Variants in ARHGAP32 observed in about 807,000 individuals in gnomAD.
ARHGAP32 encodes Rho GTPase activating protein 32.
In ARHGAP32, 51 loss-of-function variants were observed where a neutral mutation model predicts 186.5. The observed-to-expected ratio is 0.27, with a 90% CI of 0.22 to 0.35. The LOEUF is 0.35. Ranked by LOEUF, ARHGAP32 falls within the 10% of genes least tolerant of loss-of-function variation. The probability of loss-of-function intolerance (pLI) is 1.00; values close to 1 mark genes in which losing one functional copy is unlikely to be tolerated. For synonymous variants in ARHGAP32, 950 were observed against 964.3 expected (o/e 0.99, Z 0.27); for missense variants, 2,186 against 2,623.5 (o/e 0.83, Z 3.64).
chr11:129,240,212 T>C (rs1204271512), intron 1 of ARHGAP32, among the ~76,000 whole-genome samples: 1 of 152,128 alleles, frequency 6.6e-6, no homozygotes, highest in Non-Finnish European at 1.5e-5. Context: ...TATAAATTTC[T>C]TGGTAAAGTT....
Position 129,202,556 on chromosome 11 carries a change from TAAA to T in ARHGAP32, c.-4-38132_-4-38130del, listed in dbSNP as rs1468969933. 5.3e-5 allele frequency among the ~76,000 whole-genome samples: 8 copies of T among 152,178 alleles called. No individual in the cohort carries two copies. In the East Asian group the frequency reaches 1.5e-3, roughly 29 times the overall value. ...AAGAAGTAAAATCATGTATGCGATATAAATAAGAAAACTTAAACAGATTCTTTT... is the reference window on the plus strand; with the variant it reads ...AAGAAGTAAAATCATGTATGCGATATTAAGAAAACTTAAACAGATTCTTTT... On this transcript the variant is annotated intron_variant, in intron 1 of 6. Coordinates refer to the ARHGAP32 transcript ENST00000525234.
intron 1 of ARHGAP32, among the ~76,000 whole-genome samples, chr11:129,278,982 CCGGGGG>C (rs1048308365): frequency 1.4e-5 from 2 of 147,128 alleles, no homozygotes; most frequent in Non-Finnish European, 3.0e-5. Context: ...GGAGATGGGG[CCGGGGG>C]CGGGGGGACA....
intron 1 of ARHGAP32, among the ~76,000 whole-genome samples, chr11:129,243,592 T>C (rs1168254470): frequency 6.6e-6 from 1 of 152,184 alleles, no homozygotes; most frequent in Non-Finnish European, 1.5e-5. Context: ...AGAACCTTCA[T>C]TTACCAATGT....
At chr11:129,078,026 G>A (rs1188715077) in intron 6 of ARHGAP32, among the ~76,000 whole-genome samples, 7 of 152,166 alleles carry the variant, frequency 4.6e-5, no homozygotes, top group Non-Finnish European at 1.0e-4. Context: ...AAAAAACCCA[G>A]TATGCTAAAC....
At chr11:129,106,357 C>A (rs1385826877) in intron 5 of ARHGAP32, among the ~76,000 whole-genome samples, 2 of 151,948 alleles carry the variant, frequency 1.3e-5, no homozygotes, top group Non-Finnish European at 2.9e-5. Flanking sequence ...AAAGAAAAAA[C>A]CACGTCCTTT....
intron 1 of ARHGAP32, among the ~76,000 whole-genome samples, chr11:129,191,312 T>TATTA (rs373630327): frequency 0.23 from 34,508 of 151,962 alleles, 4,744 homozygotes; most frequent in Middle Eastern, 0.35. Context: ...AGGTATTACA[T>TATTA]CGCTAACTCT....
chr11:129,014,435 C>G (rs1938234361), intron 11 of ARHGAP32, among the ~76,000 whole-genome samples: 1 of 152,188 alleles, frequency 6.6e-6, no homozygotes, highest in Non-Finnish European at 1.5e-5. Flanking sequence ...AATACTTTCT[C>G]TAAAGTTCTA....
chr11:128,978,170 C>T (rs569205218), intron 19 of ARHGAP32, among the ~76,000 whole-genome samples: 2 of 152,278 alleles, frequency 1.3e-5, no homozygotes, highest in East Asian at 3.9e-4. Context: ...TACATGATTG[C>T]AAACTGAATG....
At chr11:129,189,885 G>GT in intron 1 of ARHGAP32, among the ~76,000 whole-genome samples, 1 of 152,318 alleles carries the variant, frequency 6.6e-6, no homozygotes, top group South Asian at 2.1e-4. Flanking sequence ...GGTGTGGTAT[G>GT]ACTTTACTCT....
chr11:129,072,821 G>A (rs1439409973), intron 6 of ARHGAP32, among the ~76,000 whole-genome samples: 2 of 152,182 alleles, frequency 1.3e-5, no homozygotes, highest in Non-Finnish European at 2.9e-5. Flanking sequence ...AGAGGGACAG[G>A]AGAAAATAAA....
intron 12 of ARHGAP32, among the ~76,000 whole-genome samples, chr11:128,990,017 C>T (rs1411127841): frequency 6.6e-5 from 10 of 152,156 alleles, no homozygotes; most frequent in Non-Finnish European, 7.3e-5. Flanking sequence ...TCATAATTTA[C>T]ATTTAATTAT....
At chr11:129,108,545 A>G (rs921187217) in intron 5 of ARHGAP32, among the ~76,000 whole-genome samples, 1 of 152,208 alleles carries the variant, frequency 6.6e-6, no homozygotes, top group Non-Finnish European at 1.5e-5. Context: ...GTTGAGTTCA[A>G]TATGACCTTT....
chr11:129,227,468 A>G (rs1944800892), intron 1 of ARHGAP32, among the ~76,000 whole-genome samples: 1 of 94,680 alleles, frequency 1.1e-5, no homozygotes, highest in African/African-American at 3.9e-5. Flanking sequence ...CATTACATTG[A>G]CAGTTTAAAA....
chr11:129,216,669 T>TTA (rs1944650780), intron 1 of ARHGAP32, among the ~76,000 whole-genome samples: 1 of 119,104 alleles, frequency 8.4e-6, no homozygotes, highest in African/African-American at 3.2e-5. Context: ...AGACTGTCTT[T>TTA]AAAAAAAAAA....
intron 11 of ARHGAP32, among the ~76,000 whole-genome samples, chr11:129,040,643 T>C (rs1939554833): frequency 6.6e-6 from 1 of 152,242 alleles, no homozygotes; most frequent in Non-Finnish European, 1.5e-5. Context: ...TTTTAAATCA[T>C]TTTATTCATT....
At chr11:129,083,974 T>C (rs983321934) in intron 6 of ARHGAP32, among the ~76,000 whole-genome samples, 2 of 151,898 alleles carry the variant, frequency 1.3e-5, no homozygotes, top group Non-Finnish European at 2.9e-5. Context: ...TACATATGAA[T>C]AAGGACCGTC....
chr11:129,074,213 C>G (rs1275830541), intron 6 of ARHGAP32, among the ~76,000 whole-genome samples: 2 of 152,066 alleles, frequency 1.3e-5, no homozygotes, highest in Non-Finnish European at 2.9e-5. Flanking sequence ...TTAATTGATA[C>G]AACAGATAAC....
At chr11:129,243,642 C>G (rs1945049548) in intron 1 of ARHGAP32, among the ~76,000 whole-genome samples, 1 of 152,214 alleles carries the variant, frequency 6.6e-6, no homozygotes, top group Non-Finnish European at 1.5e-5. Context: ...TGGCATTCAA[C>G]CATTCCAATA....
rs573592621 is a variant in ARHGAP32 at position 129,117,866 on chromosome 11, G to A, written c.444+5580C>T. 4.6e-5 allele frequency among the ~76,000 whole-genome samples: 7 copies of A among 151,400 alleles called. No homozygotes were observed. The East Asian group carries it at 1.2e-3, about 25-fold the overall frequency. On this transcript the variant is annotated intron_variant, in intron 5 of 22. Coordinates refer to ENST00000682385, the MANE Select transcript of ARHGAP32 (RefSeq NM_001378024.1). ...TTGCGTGTTACAAGAGATTCCCCCC[G>A]CTTCTTACTGAAAAATATTTTGTGA...
Sources: allele counts gnomAD v4.1 joint callset (sites outside exome capture counted in the v4.1 genomes callset), GRCh38; gene constraint gnomAD v4.1.1; transcripts MANE v1.5; gene names NCBI Gene and HGNC (gene_info 2026-07-23, HGNC 2026-07-21).